ZNF804B: variants seen among roughly 807,000 people sequenced by gnomAD.
The protein encoded by ZNF804B is zinc finger 804B.
In ZNF804B, 80 loss-of-function variants were observed where a neutral mutation model predicts 101.4. The ratio of observed to expected loss-of-function variants is 0.79; its 90% CI spans 0.66 to 0.95. The LOEUF is 0.95. ZNF804B is among the 40% of genes least tolerant of loss of function. The pLI, the probability that ZNF804B is intolerant of heterozygous loss-of-function variation, is 0.00. For synonymous variants in ZNF804B, 622 were observed against 558.8 expected (o/e 1.11, Z -1.59); for missense variants, 1,673 against 1,561.9 (o/e 1.07, Z -1.20).
intron 3 of ZNF804B, among the ~76,000 whole-genome samples, chr7:89,331,929 G>A (rs1175090300): frequency 6.6e-6 from 1 of 151,306 alleles, no homozygotes; most frequent in African/African-American, 2.4e-5. Flanking sequence ...AATTGAAAGT[G>A]CCCAAGAACA....
intron 1 of ZNF804B, among the ~76,000 whole-genome samples, chr7:88,961,917 A>G (rs1278329659): frequency 1.3e-5 from 2 of 151,320 alleles, no homozygotes; most frequent in African/African-American, 4.8e-5. Flanking sequence ...ATAGTCACTT[A>G]ACGAATACCA....
intron 1 of ZNF804B, among the ~76,000 whole-genome samples, chr7:89,041,657 T>C (rs777238731): frequency 6.6e-6 from 1 of 152,208 alleles, no homozygotes; most frequent in Non-Finnish European, 1.5e-5. Flanking sequence ...GTGTCGAAGT[T>C]TGTGGTAACA....
At chr7:88,982,466 C>G (rs771252144) in intron 1 of ZNF804B, among the ~76,000 whole-genome samples, 2 of 152,054 alleles carry the variant, frequency 1.3e-5, no homozygotes, top group African/African-American at 2.4e-5. Context: ...AACTAGAAAT[C>G]CATGATTAGG....
At chr7:89,118,191 A>G (rs560000446) in intron 1 of ZNF804B, among the ~76,000 whole-genome samples, 1 of 152,290 alleles carries the variant, frequency 6.6e-6, no homozygotes, top group African/African-American at 2.4e-5. Context: ...CAATTGTTTT[A>G]CGACATAATT....
intron 1 of ZNF804B, among the ~76,000 whole-genome samples, chr7:89,060,232 G>T (rs1789359026): frequency 6.6e-6 from 1 of 152,060 alleles, no homozygotes; most frequent in Admixed American, 6.6e-5. Context: ...CTATATACAT[G>T]TCATATTGGT....
chr7:88,956,158 T>C (rs1410911935), intron 1 of ZNF804B, among the ~76,000 whole-genome samples: 1 of 151,538 alleles, frequency 6.6e-6, no homozygotes, highest in Non-Finnish European at 1.5e-5. Flanking sequence ...AGTACAGTCA[T>C]CTTGGAAAAC....
intron 2 of ZNF804B, among the ~76,000 whole-genome samples, chr7:89,270,214 C>A (rs1014974217): frequency 1.3e-5 from 2 of 152,270 alleles, no homozygotes; most frequent in East Asian, 1.9e-4. Context: ...ACATTTAAGT[C>A]TTTAATCCAT....
At chr7:88,935,686 C>G (rs17165570) in intron 1 of ZNF804B, among the ~76,000 whole-genome samples, 12,633 of 151,942 alleles carry the variant, frequency 0.083, 658 homozygotes, top group South Asian at 0.18. Context: ...TGAGTAGTCT[C>G]TCTAAAATCC....
At chr7:89,291,422 C>G (rs566893025) in intron 2 of ZNF804B, among the ~76,000 whole-genome samples, 30 of 152,170 alleles carry the variant, frequency 2.0e-4, no homozygotes, top group African/African-American at 6.7e-4. Flanking sequence ...GAAAATTTAA[C>G]AAAGAGATTG....
chr7:88,958,616 A>G (rs186744029), intron 1 of ZNF804B, among the ~76,000 whole-genome samples: 3 of 151,554 alleles, frequency 2.0e-5, no homozygotes, highest in Admixed American at 2.0e-4. Flanking sequence ...GGCTCACCAT[A>G]TGTGTGATTA....
intron 1 of ZNF804B, among the ~76,000 whole-genome samples, chr7:89,112,826 G>T (rs1245052144): frequency 6.6e-6 from 1 of 152,190 alleles, no homozygotes; most frequent in African/African-American, 2.4e-5. Context: ...GGTGCGTCTT[G>T]ACCCTCAGTT....
intron 1 of ZNF804B, among the ~76,000 whole-genome samples, chr7:88,934,691 T>C (rs1456474559): frequency 6.6e-6 from 1 of 151,962 alleles, no homozygotes; most frequent in African/African-American, 2.4e-5. Context: ...CACAATGAGA[T>C]ACCACCTTAC....
At chr7:88,951,069 AT>A (rs1297287562) in intron 1 of ZNF804B, among the ~76,000 whole-genome samples, 1 of 151,782 alleles carries the variant, frequency 6.6e-6, no homozygotes, top group East Asian at 2.0e-4. Flanking sequence ...ACATAGTTGA[AT>A]TTTTCTACTT....
intron 1 of ZNF804B, among the ~76,000 whole-genome samples, chr7:88,975,144 C>CAT (rs1240718119): frequency 1.3e-5 from 2 of 151,302 alleles, no homozygotes; most frequent in African/African-American, 4.8e-5. Context: ...CTCCATTGGG[C>CAT]ATATGTACCA....
chr7:89,291,838 T>C (rs1316057847), intron 2 of ZNF804B, among the ~76,000 whole-genome samples: 2 of 151,934 alleles, frequency 1.3e-5, no homozygotes, highest in East Asian at 3.9e-4. Flanking sequence ...CATTTAACAA[T>C]CAAACTCCCA....
intron 1 of ZNF804B, among the ~76,000 whole-genome samples, chr7:88,945,619 C>A (rs990375529): frequency 1.9e-4 from 25 of 133,650 alleles, no homozygotes; most frequent in African/African-American, 7.0e-4. Context: ...TTTTCTAATT[C>A]TGTGAAGAAA....
At chr7:88,808,497 G>A (rs1177024828) in intron 1 of ZNF804B, among the ~76,000 whole-genome samples, 2 of 152,008 alleles carry the variant, frequency 1.3e-5, no homozygotes, top group East Asian at 3.9e-4. Flanking sequence ...AGGGTAGAGG[G>A]TAGAGTAGCA....
chr7:88,916,055 TA>T (rs1020586922), intron 1 of ZNF804B, among the ~76,000 whole-genome samples: 6 of 151,912 alleles, frequency 3.9e-5, no homozygotes, highest in East Asian at 1.9e-4. Context: ...TCTGTGGGCT[TA>T]AAAAAAATAT....
In ZNF804B at chr7:89,090,311, C is replaced by T. The variant is rs546845423; in HGVS notation, c.109-127844C>T. ...TAGATGTTCAGCGAATTTTTGTGGC[C>T]TAAGTAAATATGAAAATTTTTTAAA... On this transcript the variant is annotated intron_variant, in intron 1 of 3. Transcript: ENST00000333190. 4.0e-5 allele frequency among the ~76,000 whole-genome samples: 6 copies of T among 151,580 alleles called. No homozygotes were observed. The South Asian group carries it at 1.0e-3, about 26-fold the overall frequency.
Sources: gnomAD v4.1 joint callset for allele counts (sites outside exome capture counted in the v4.1 genomes callset) on GRCh38, gnomAD v4.1.1 for gene constraint, MANE v1.5 for transcripts, NCBI Gene and HGNC (gene_info 2026-07-23, HGNC 2026-07-21) for gene names.